Variants in NRXN1 observed in about 807,000 individuals in gnomAD.
NRXN1 encodes the protein neurexin-1.
A neutral mutation model predicts 150.9 loss-of-function variants in NRXN1; 39 were observed. The ratio of observed to expected loss-of-function variants is 0.26; its 90% CI spans 0.20 to 0.34. NRXN1 has a LOEUF of 0.34. Among genes scored for constraint, NRXN1 ranks in the 10% least tolerant of loss-of-function variants. The probability of loss-of-function intolerance (pLI) is 1.00; values close to 1 mark genes in which losing one functional copy is unlikely to be tolerated. For missense variants in NRXN1, 1,815 were observed against 1,949.9 expected (o/e 0.93, Z 1.30); for synonymous variants, 924 against 757.0 (o/e 1.22, Z -3.62).
At chr2:50,012,990 G>A (rs577220785) in intron 21 of NRXN1, among the ~76,000 whole-genome samples, 30 of 152,054 alleles carry the variant, frequency 2.0e-4, no homozygotes, top group African/African-American at 7.0e-4. Flanking sequence ...CTTTTGTGGG[G>A]GAGAAACCCT....
At chr2:49,954,081 A>T (rs890994334) in intron 21 of NRXN1, among the ~76,000 whole-genome samples, 1 of 152,104 alleles carries the variant, frequency 6.6e-6, no homozygotes, top group Non-Finnish European at 1.5e-5. Context: ...TACAAAGGAG[A>T]GCTCCGGATA....
intron 18 of NRXN1, among the ~76,000 whole-genome samples, chr2:50,170,667 A>T (rs2059973554): frequency 1.3e-5 from 2 of 151,846 alleles, no homozygotes; most frequent in Non-Finnish European, 2.9e-5. Context: ...AAATAGTGCA[A>T]ATATTCCACA....
chr2:50,844,238 A>G (rs1395991380), intron 5 of NRXN1, among the ~76,000 whole-genome samples: 1 of 152,172 alleles, frequency 6.6e-6, no homozygotes, highest in Non-Finnish European at 1.5e-5. Flanking sequence ...ATCAAGTACT[A>G]TGGCGTTACA....
intron 21 of NRXN1, among the ~76,000 whole-genome samples, chr2:50,005,273 C>T (rs1374933265): frequency 6.6e-6 from 1 of 152,086 alleles, no homozygotes; most frequent in Non-Finnish European, 1.5e-5. Context: ...CAACAAAATA[C>T]TATGCACGAC....
At chr2:50,815,126 T>C (rs1396298674) in intron 5 of NRXN1, among the ~76,000 whole-genome samples, 2 of 152,118 alleles carry the variant, frequency 1.3e-5, no homozygotes, top group Admixed American at 1.3e-4. Context: ...TTACCTTGAC[T>C]GTGTTTGCAC....
intron 18 of NRXN1, among the ~76,000 whole-genome samples, chr2:50,190,852 A>T (rs991767517): frequency 2.0e-5 from 3 of 151,994 alleles, no homozygotes; most frequent in African/African-American, 7.2e-5. Context: ...ACTGCAGGTG[A>T]TCCACCTGCC....
chr2:50,848,971 C>T (rs998762161), intron 5 of NRXN1, among the ~76,000 whole-genome samples: 3 of 152,154 alleles, frequency 2.0e-5, no homozygotes, highest in African/African-American at 7.2e-5. Context: ...CCACATACAG[C>T]GCCTTCTCTG....
At chr2:49,989,516 G>A (rs1045616227) in intron 21 of NRXN1, among the ~76,000 whole-genome samples, 2 of 152,176 alleles carry the variant, frequency 1.3e-5, no homozygotes, top group Non-Finnish European at 2.9e-5. Flanking sequence ...ACTTGAACAA[G>A]TGAGTTTATT....
intron 5 of NRXN1, chr2:50,919,990 AG>A (rs1435272464): frequency 7.5e-6 from 3 of 402,530 alleles, no homozygotes; most frequent in African/African-American, 6.3e-5. Context: ...TCTAGAATAT[AG>A]ATTTGTTGAA....
chr2:50,747,040 G>T (rs758496544), intron 5 of NRXN1, among the ~76,000 whole-genome samples: 1 of 152,224 alleles, frequency 6.6e-6, no homozygotes, highest in Non-Finnish European at 1.5e-5. Context: ...ATGCAAAAAT[G>T]AACCCAGTTC....
At chr2:50,162,357 A>G (rs1402934043) in intron 18 of NRXN1, among the ~76,000 whole-genome samples, 1 of 152,170 alleles carries the variant, frequency 6.6e-6, no homozygotes, top group Admixed American at 6.6e-5. Context: ...TCAAGTCTGC[A>G]ATCTCCTAAA....
At chr2:50,041,560 C>T (rs1002288231) in intron 21 of NRXN1, among the ~76,000 whole-genome samples, 2 of 152,066 alleles carry the variant, frequency 1.3e-5, no homozygotes, top group Non-Finnish European at 1.5e-5. Context: ...TGTGAATTCT[C>T]GACTCTTTGA....
chr2:49,968,377 A>C (rs1046023704), intron 21 of NRXN1, among the ~76,000 whole-genome samples: 1 of 152,080 alleles, frequency 6.6e-6, no homozygotes, highest in African/African-American at 2.4e-5. Context: ...TTTTAAACAA[A>C]AAGTTGCATC....
intron 18 of NRXN1, among the ~76,000 whole-genome samples, chr2:50,207,882 G>T (rs1431539383): frequency 1.3e-5 from 2 of 152,102 alleles, no homozygotes; most frequent in South Asian, 4.1e-4. Context: ...TAGGGCCTTT[G>T]TTGTTTCCAT....
intron 17 of NRXN1, among the ~76,000 whole-genome samples, chr2:50,323,715 C>G (rs888384059): frequency 8.5e-5 from 13 of 152,070 alleles, no homozygotes; most frequent in Non-Finnish European, 1.9e-4. Flanking sequence ...AATACTTGGT[C>G]TAGGTTCCTC....
At chr2:50,909,464 G>A (rs1684222254) in intron 5 of NRXN1, among the ~76,000 whole-genome samples, 1 of 151,940 alleles carries the variant, frequency 6.6e-6, no homozygotes, top group Non-Finnish European at 1.5e-5. Context: ...CAATTTCTGT[G>A]ATTTTTCTGA....
At chr2:50,928,319 CTT>C (rs1369224453) in intron 2 of NRXN1, among the ~76,000 whole-genome samples, 2 of 151,962 alleles carry the variant, frequency 1.3e-5, no homozygotes, top group Non-Finnish European at 2.9e-5. Context: ...GCAGACTTTC[CTT>C]GAGTTTCCAT....
At chr2:50,714,306 G>A (rs1375935800) in intron 5 of NRXN1, among the ~76,000 whole-genome samples, 1 of 152,098 alleles carries the variant, frequency 6.6e-6, no homozygotes, top group Non-Finnish European at 1.5e-5. Context: ...AGAGGGAGGA[G>A]AGAAGAAAGC....
chr2:50,259,626 C>T (rs551448410), intron 17 of NRXN1, among the ~76,000 whole-genome samples: 88 of 151,872 alleles, frequency 5.8e-4, no homozygotes, highest in Non-Finnish European at 1.1e-3. Context: ...CAATTAACTC[C>T]TCATCTCTTT....
Sources: gnomAD v4.1 joint callset for allele counts (sites outside exome capture counted in the v4.1 genomes callset) on GRCh38, gnomAD v4.1.1 for gene constraint, MANE v1.5 for transcripts, NCBI Gene and HGNC (gene_info 2026-07-23, HGNC 2026-07-21) for gene names.